Variants in SHF observed in about 807,000 individuals in gnomAD.
SHF encodes Src homology 2 domain containing F.
In SHF, 30 loss-of-function variants were observed where a neutral mutation model predicts 42.4. The observed-to-expected ratio is 0.71, with a 90% confidence interval of 0.53 to 0.96. SHF has a LOEUF of 0.96. Ranked by LOEUF, SHF falls within the 40% of genes least tolerant of loss-of-function variation. SHF has a pLI of 0.00. For missense variants in SHF, 598 were observed against 634.0 expected (o/e 0.94, Z 0.61); for synonymous variants, 264 against 269.9 (o/e 0.98, Z 0.21).
chr15:45,200,056 C>T (rs554200523), intron 1 of SHF: 35 of 150,556 alleles, frequency 2.3e-4, no homozygotes, highest in African/African-American at 8.6e-4. Flanking sequence ...GGCTGCCTGA[C>T]AAATTCTCAC....
Position 45,173,586 on chromosome 15 carries a change from C to T in SHF, c.978G>A (p.Glu326=), listed in dbSNP as rs1384968713. ...PASPLPEPSL[E]DSSAQFEGPE... Reference sequence around the variant, plus strand: ...CCCCCCAGGACCCACCGCTGCTGTCCTCCAGGCTGGGCTCAGGGAGGGGCG... The same window carrying T: ...CCCCCCAGGACCCACCGCTGCTGTCTTCCAGGCTGGGCTCAGGGAGGGGCG... Residue 326 remains glutamate, a synonymous_variant, in exon 4 of 7, where the codon GAG becomes GAA. Coordinates refer to ENST00000690270, the MANE Select transcript of SHF (RefSeq NM_001394037.1). 2 of 1,530,102 alleles carry T rather than the reference C, an allele frequency of 1.3e-6. No homozygotes were observed. Among genetic ancestry groups the T allele is most frequent in the Non-Finnish European group, 1.8e-6 (2 of 1,137,002 alleles). The allele number at this position is 1,530,102 out of a possible 1,614,324, so 94.8% of individuals were successfully genotyped here.
At chr15:45,195,460 A>T (rs1898835807) in intron 2 of SHF, among the ~76,000 whole-genome samples, 1 of 152,116 alleles carries the variant, frequency 6.6e-6, no homozygotes, top group South Asian at 2.1e-4. Context: ...TCTTTGCACC[A>T]CCTGAGTCTG....
In SHF at chr15:45,175,227, G is replaced by C; in HGVS notation, c.839C>G (p.Ala280Gly). The stretch of plus-strand genomic sequence containing the variant: ...TCTCCACCAGGACTCACCTGCAAAG[G>C]CTTTGGAAATCCGCTCCTTCTTCCA... ...WEWKKERISKAFAVDIKVIKD... is the reference protein window; with the variant it reads ...WEWKKERISKGFAVDIKVIKD... Residue 280 changes from alanine (A) to glycine (G), a missense_variant, in exon 3 of 7, where the codon GCC becomes GGC. Transcript: ENST00000690270. 1 of 1,609,342 alleles carries C rather than the reference G, an allele frequency of 6.2e-7. No individual in the cohort carries two copies. The highest frequency in any genetic ancestry group is 2.2e-5 in the East Asian group (1 of 44,824).
upstream of SHF, among the ~76,000 whole-genome samples, chr15:45,188,689 G>T (rs1898602238): frequency 6.6e-6 from 1 of 152,202 alleles, no homozygotes; most frequent in Non-Finnish European, 1.5e-5. Context: ...CTCCAAACGG[G>T]CCCACATGGC....
intron 2 of SHF, among the ~76,000 whole-genome samples, chr15:45,196,097 G>GTTTTTTTTTT (rs58593409): frequency 7.7e-6 from 1 of 129,308 alleles, no homozygotes. Context: ...CTGACTTCCT[G>GTTTTTTTTTT]TTTTTTTTTT....
At chr15:45,195,632 T>C (rs1158954597) in intron 2 of SHF, among the ~76,000 whole-genome samples, 2 of 152,184 alleles carry the variant, frequency 1.3e-5, no homozygotes, top group Non-Finnish European at 2.9e-5. Context: ...AGCTAACCCA[T>C]AGGCAGTGTG....
rs777217543 is a variant in SHF, at chr15:45,171,974, C to T, written c.1189G>A (p.Asp397Asn). 213 of 1,613,854 alleles carry T rather than the reference C, an allele frequency of 1.3e-4. No individual in the cohort carries two copies. The highest frequency in any genetic ancestry group is 1.7e-4 in the Non-Finnish European group (205 of 1,179,876). Reference protein sequence around the residue: ...VWYHGAISRTDAENLLRLCKE... With the variant: ...VWYHGAISRTNAENLLRLCKE... ...CACAGCCGGAGCAGGTTCTCGGCGT[C>T]GGTTCGGCTGATGGCCCCGTGATAC... is the stretch of plus-strand genomic sequence containing the variant. Residue 397 changes from aspartate to asparagine, a missense_variant, in exon 6 of 7, where the codon GAC becomes AAC. Coordinates refer to ENST00000690270, the MANE Select transcript of SHF (RefSeq NM_001394037.1).
intron 2 of SHF, 90 bp from the exon 3 acceptor site, chr15:45,175,515 C>A (rs1010986037): frequency 7.3e-6 from 10 of 1,362,784 alleles, no homozygotes; most frequent in Non-Finnish European, 1.0e-5. Context: ...ACAAGCCAGG[C>A]CTCCTTCAGA....
chr15:45,179,987 A>G (rs1007318572), intron 1 of SHF, among the ~76,000 whole-genome samples: 4 of 151,922 alleles, frequency 2.6e-5, no homozygotes, highest in African/African-American at 9.7e-5. Context: ...CCTCTGAGGT[A>G]CCTCCCAATG....
Position 45,198,966 on chromosome 15 carries a change from T to C in SHF, c.109A>G (p.Ser37Gly), listed in dbSNP as rs1309617832. The C allele has an allele frequency of 3.7e-6, 6 of 1,613,642 alleles. No individual in the cohort carries two copies. In the South Asian group the frequency reaches 5.5e-5, roughly 15 times the overall value. ...GAATGGGGCTGGGCGGAACTCAGAC[T>C]ACCCTTGGGGGATGCCCGTTTCCTA... The change falls in exon 2 of 8, where the codon AGT becomes GGT. Residue 37 changes from serine (S) to glycine (G), a missense_variant. By Grantham distance (56) the Ser-to-Gly change is moderately conservative. Transcript: ENST00000290894.
intron 2 of SHF, among the ~76,000 whole-genome samples, chr15:45,176,054 A>G (rs1156502619): frequency 1.3e-5 from 2 of 152,052 alleles, no homozygotes; most frequent in Non-Finnish European, 2.9e-5. Context: ...TCCTGACCTC[A>G]GGTGATCTGC....
intron 2 of SHF, among the ~76,000 whole-genome samples, chr15:45,175,819 C>T (rs1279684047): frequency 1.6e-5 from 2 of 126,056 alleles, no homozygotes; most frequent in Admixed American, 7.8e-5. Flanking sequence ...TTTTTCTTTT[C>T]TTTTTTTTTT....
At chr15:45,178,852 C>A (rs1897972228) in intron 1 of SHF, among the ~76,000 whole-genome samples, 1 of 152,180 alleles carries the variant, frequency 6.6e-6, no homozygotes, top group South Asian at 2.1e-4. Flanking sequence ...ACATCTTTTC[C>A]ACTAATTTTG....
intron 1 of SHF, 56 bp from the exon 2 acceptor site, chr15:45,178,362 T>C: frequency 6.3e-7 from 1 of 1,575,854 alleles, no homozygotes; most frequent in African/African-American, 1.4e-5. Context: ...CAACTCTGCT[T>C]CTCCCAAGGT....
intron 6 of SHF, among the ~76,000 whole-genome samples, chr15:45,168,858 T>G (rs1897338658): frequency 1.3e-5 from 2 of 152,156 alleles, no homozygotes. Flanking sequence ...AAATCAGCAT[T>G]AGTGCCTGGC....
chr15:45,187,763 G>A lies in SHF; in HGVS notation c.189C>T (p.Gly63=). The part of the protein sequence containing the change: ...EHLGFRGGGG[G]GGGSKPAPPE... ...GGGGCGCCGGCTTGCTGCCCCCTCC[G>A]CCGCCGCCCCCCCCGCGGAAGCCCA... Residue 63 remains glycine, a synonymous_variant, in exon 1 of 7, where the codon GGC becomes GGT. Coordinates refer to ENST00000690270, the MANE Select transcript of SHF (RefSeq NM_001394037.1). The A allele has an allele frequency of 4.2e-6, 4 of 941,968 alleles. No individual in the cohort carries two copies. The highest frequency in any genetic ancestry group is 5.5e-6 in the Non-Finnish European group (4 of 731,948). The allele number at this position is 941,968 out of a possible 1,614,324, so 58.4% of individuals were successfully genotyped here.
At chr15:45,181,845 A>AAAAT in intron 1 of SHF, among the ~76,000 whole-genome samples, 1 of 152,352 alleles carries the variant, frequency 6.6e-6, no homozygotes, top group East Asian at 1.9e-4. Flanking sequence ...TCAAAACTTA[A>AAAAT]AAATAAATAA....
chr15:45,188,094 A>G (rs927283363), upstream of SHF: 1 of 322,344 alleles, frequency 3.1e-6, no homozygotes, highest in Non-Finnish European at 5.3e-6. Flanking sequence ...GCTCCCTAAC[A>G]GGGTCTTCCT....
Position 45,187,934 on chromosome 15 carries a change from A to G in SHF, c.18T>C (p.Ala6=). 8.7e-7 allele frequency: 1 copy of G among 1,151,008 alleles called. No individual in the cohort carries two copies. Among genetic ancestry groups the G allele is most frequent in the Non-Finnish European group, 1.1e-6 (1 of 938,322 alleles). 71.3% of individuals were successfully genotyped at this position (1,151,008 alleles called of 1,614,324 possible). A position where few individuals can be genotyped will look rare whatever the true frequency, so the allele number is the denominator to read the frequency against. The change falls in exon 1 of 7, where the codon GCT becomes GCC. Residue 6 remains alanine, a synonymous_variant. Coordinates refer to ENST00000690270, the MANE Select transcript of SHF (RefSeq NM_001394037.1). MLLSG[A]PPAGSRPGPR... Reference sequence around the variant, plus strand: ...GCCCCGGGCGGGAGCCAGCCGGAGGAGCTCCGCTCAGTAACATGGGGCCAG... The same window carrying G: ...GCCCCGGGCGGGAGCCAGCCGGAGGGGCTCCGCTCAGTAACATGGGGCCAG...
Sources: allele counts gnomAD v4.1 joint callset (sites outside exome capture counted in the v4.1 genomes callset), GRCh38; gene constraint gnomAD v4.1.1; transcripts MANE v1.5; gene names NCBI Gene and HGNC (gene_info 2026-07-23, HGNC 2026-07-21).